Variants in RNF17 observed in about 807,000 individuals in gnomAD.
RNF17 encodes ring finger protein 17.
A neutral mutation model predicts 200.5 loss-of-function variants in RNF17; 31 were observed. That is an observed-to-expected ratio of 0.15 (90% CI 0.12 to 0.21). RNF17 has a LOEUF of 0.21. RNF17 is among the 10% of genes least tolerant of loss of function. RNF17 has a pLI of 1.00. For missense variants in RNF17, 1,628 were observed against 1,905.1 expected (o/e 0.85, Z 2.71); for synonymous variants, 606 against 637.8 (o/e 0.95, Z 0.75).
intron 6 of RNF17, among the ~76,000 whole-genome samples, chr13:24,784,748 C>T (rs1882872290): frequency 6.6e-6 from 1 of 151,956 alleles, no homozygotes; most frequent in Admixed American, 6.6e-5. Flanking sequence ...GCTCTGTCAC[C>T]CAGGCTGGAG....
At chr13:24,884,515 T>C (rs1953954670), downstream of RNF17, 1 of 1,568,776 alleles carries the variant, frequency 6.4e-7, no homozygotes, top group Non-Finnish European at 8.8e-7. Context: ...GACGAAAGTA[T>C]GGCTAATTCT....
At chr13:24,784,375 C>T (rs1290018759) in intron 6 of RNF17, among the ~76,000 whole-genome samples, 4 of 152,100 alleles carry the variant, frequency 2.6e-5, no homozygotes, top group South Asian at 2.1e-4. Context: ...AGTTAGGGAA[C>T]GTTTCTGCCC....
intron 6 of RNF17, among the ~76,000 whole-genome samples, chr13:24,784,967 A>G (rs1318641510): frequency 6.6e-6 from 1 of 152,148 alleles, no homozygotes; most frequent in African/African-American, 2.4e-5. Flanking sequence ...TCGGCCTCCC[A>G]AAGTGCTGGG....
At chr13:24,811,154 C>T (rs1420158096) in intron 15 of RNF17, among the ~76,000 whole-genome samples, 10 of 150,090 alleles carry the variant, frequency 6.7e-5, no homozygotes, top group Admixed American at 2.0e-4. Flanking sequence ...ATCTTTGTGG[C>T]GTTCTCTGTA....
chr13:24,764,477 T>A, intron 1 of RNF17, 144 bp downstream of exon 1: 1 of 1,217,698 alleles, frequency 8.2e-7, no homozygotes, highest in Non-Finnish European at 1.1e-6. Flanking sequence ...TCCCGCGAGC[T>A]GCACCCGACC....
At chr13:24,825,591 G>T in intron 15 of RNF17, 28 bp from the exon 16 acceptor site, 1 of 1,452,894 alleles carries the variant, frequency 6.9e-7, no homozygotes, top group Non-Finnish European at 9.5e-7. Context: ...TCTGTGAAAT[G>T]ACAGTGCTTT....
In RNF17 at chr13:24,873,591, T is replaced by C. The variant is rs1219013032; in HGVS notation, c.4448-523T>C. On this transcript the variant is annotated intron_variant, in intron 32 of 35. Transcript: ENST00000255324. ...CAAGACTTCTAGTTAATCTGAAATATACAATCCATTGTTGTTAACTAGGCA... is the reference window on the plus strand; with the variant it reads ...CAAGACTTCTAGTTAATCTGAAATACACAATCCATTGTTGTTAACTAGGCA... Among the ~76,000 whole-genome samples the C allele has an allele frequency of 2.6e-5, 4 of 152,214 alleles. No homozygotes were observed. The East Asian group carries it at 5.8e-4, about 22-fold the overall frequency.
At chr13:24,855,452 ACCCCATCT>A (rs1157272059) in intron 25 of RNF17, among the ~76,000 whole-genome samples, 1 of 151,896 alleles carries the variant, frequency 6.6e-6, no homozygotes, top group East Asian at 1.9e-4. Context: ...ACATGGTGAA[ACCCCATCT>A]CTACTAAAAA....
rs1427083218 is a variant in RNF17 at position 24,774,887 on chromosome 13, A to G, written c.300A>G (p.Glu100=). The G allele has an allele frequency of 1.2e-6, 2 of 1,605,268 alleles. No homozygotes were observed. The highest frequency in any genetic ancestry group is 1.7e-6 in the Non-Finnish European group (2 of 1,172,322). ...ATATTAAGGAAGACTCCATAATGGA[A>G]AAACTGCAGCCTAAGACGTATGTTC... is the stretch of plus-strand genomic sequence containing the variant. ...AGYIKEDSIM[E]KLQPKTIKNC... Residue 100 remains glutamate (E), a synonymous_variant, in exon 3 of 36, where the codon GAA becomes GAG. Transcript: ENST00000255324.
intron 9 of RNF17, among the ~76,000 whole-genome samples, chr13:24,790,517 CA>C (rs536878146): frequency 1.1e-3 from 172 of 152,292 alleles, no homozygotes; most frequent in African/African-American, 3.9e-3. Context: ...CATTAGCCCA[CA>C]TTTCAAGTTC....
At chr13:24,871,354 T>C (rs1158915320) in intron 32 of RNF17, among the ~76,000 whole-genome samples, 6 of 152,242 alleles carry the variant, frequency 3.9e-5, no homozygotes, top group Non-Finnish European at 8.8e-5. Context: ...TGTTTGTTTT[T>C]TGAGACAGAG....
In RNF17 at chr13:24,858,982, C is replaced by A; in HGVS notation, c.3611-19C>A. Reference sequence around the variant, plus strand: ...GGGAATTTTCCTTAATGCTTTCTATCTTTAATACTTTTTTTCAGAATTTGA... The same window carrying A: ...GGGAATTTTCCTTAATGCTTTCTATATTTAATACTTTTTTTCAGAATTTGA... On this transcript the variant is annotated intron_variant, in intron 25 of 35. Transcript: ENST00000255324. The A allele has an allele frequency of 2.0e-6, 3 of 1,473,778 alleles. No individual in the cohort carries two copies. Among genetic ancestry groups the A allele is most frequent in the South Asian group, 1.2e-5 (1 of 83,492 alleles). The allele number at this position is 1,473,778 out of a possible 1,614,324, so 91.3% of individuals were successfully genotyped here. A position where few individuals can be genotyped will look rare whatever the true frequency, so the allele number is the denominator to read the frequency against.
chr13:24,791,088 A>T (rs540629551), intron 9 of RNF17, among the ~76,000 whole-genome samples: 14 of 152,182 alleles, frequency 9.2e-5, no homozygotes, highest in Non-Finnish European at 1.3e-4. Flanking sequence ...AAGCCACTAA[A>T]AGGTTTTAAG....
At chr13:24,808,706 C>A (rs1181473118) in intron 15 of RNF17, among the ~76,000 whole-genome samples, 2 of 63,380 alleles carry the variant, frequency 3.2e-5, no homozygotes, top group South Asian at 6.2e-4. Flanking sequence ...TGAGAGAGGG[C>A]ATCCCTGTCT....
At chr13:24,804,593 A>G (rs1566156470) in intron 15 of RNF17, among the ~76,000 whole-genome samples, 164 bp downstream of exon 15, 1 of 152,224 alleles carries the variant, frequency 6.6e-6, no homozygotes, top group Non-Finnish European at 1.5e-5. Flanking sequence ...AAACAAGTTT[A>G]TATGATTTAT....
intron 23 of RNF17, among the ~76,000 whole-genome samples, chr13:24,850,862 C>G (rs889885613): frequency 2.0e-5 from 3 of 152,128 alleles, no homozygotes; most frequent in Non-Finnish European, 4.4e-5. Context: ...ATGTTGTATT[C>G]CTCACTTCCC....
chr13:24,769,490 T>C (rs1880350972), intron 2 of RNF17, among the ~76,000 whole-genome samples: 1 of 152,202 alleles, frequency 6.6e-6, no homozygotes, highest in African/African-American at 2.4e-5. Context: ...ACTGGTGAGC[T>C]GGGCCCTATT....
intron 16 of RNF17, among the ~76,000 whole-genome samples, chr13:24,829,125 C>A (rs772816355): frequency 1.3e-5 from 2 of 152,130 alleles, no homozygotes; most frequent in Non-Finnish European, 2.9e-5. Flanking sequence ...CTGCTTACCC[C>A]CTAGGCCTTA....
upstream of RNF17, among the ~76,000 whole-genome samples, chr13:24,761,810 A>G (rs1241349876): frequency 6.6e-6 from 1 of 152,214 alleles, no homozygotes; most frequent in Non-Finnish European, 1.5e-5. Flanking sequence ...CTATCAGTGT[A>G]TTTCTCACTG....
Sources: allele counts gnomAD v4.1 joint callset (sites outside exome capture counted in the v4.1 genomes callset), GRCh38; gene constraint gnomAD v4.1.1; transcripts MANE v1.5; gene names NCBI Gene and HGNC (gene_info 2026-07-23, HGNC 2026-07-21).